DCC: variants seen among roughly 807,000 people sequenced by gnomAD.
DCC encodes the protein DCC netrin 1 receptor.
Under a neutral mutation model 172.5 loss-of-function variants are expected in DCC, and 58 were observed. The observed-to-expected ratio is 0.34, with a 90% CI of 0.27 to 0.42. The LOEUF is 0.42. DCC is among the 10% of genes least tolerant of loss of function. The pLI is 1.00. For synonymous variants in DCC, 709 were observed against 644.5 expected (o/e 1.10, Z -1.52); for missense variants, 1,740 against 1,791.0 (o/e 0.97, Z 0.51).
chr18:53,119,750 C>T (rs2043456881), intron 7 of DCC, among the ~76,000 whole-genome samples: 2 of 151,830 alleles, frequency 1.3e-5, no homozygotes, highest in East Asian at 2.0e-4. Flanking sequence ...TTCCAGTCAC[C>T]TCTTAGGCAC....
intron 7 of DCC, among the ~76,000 whole-genome samples, chr18:53,088,300 C>T (rs2042948289): frequency 6.6e-6 from 1 of 152,134 alleles, no homozygotes; most frequent in Non-Finnish European, 1.5e-5. Context: ...TTGTAGTTCT[C>T]CTTGAAGAGG....
intron 1 of DCC, among the ~76,000 whole-genome samples, chr18:52,366,039 A>T (rs546819786): frequency 1.3e-4 from 20 of 152,080 alleles, no homozygotes; most frequent in African/African-American, 4.1e-4. Flanking sequence ...AACTCTATAT[A>T]TTACTTGAAT....
chr18:53,429,127 A>C (rs1599142008), intron 21 of DCC, among the ~76,000 whole-genome samples: 1 of 98,552 alleles, frequency 1.0e-5, no homozygotes, highest in East Asian at 2.7e-4. Flanking sequence ...TTATATATAT[A>C]TAAATATATA....
intron 5 of DCC, among the ~76,000 whole-genome samples, chr18:53,052,623 C>G (rs2042348433): frequency 6.6e-6 from 1 of 152,042 alleles, no homozygotes; most frequent in African/African-American, 2.4e-5. Context: ...TTTTAAATAA[C>G]CAGGCATGGT....
chr18:53,117,887 T>G (rs947650834), intron 7 of DCC, among the ~76,000 whole-genome samples: 5 of 151,724 alleles, frequency 3.3e-5, no homozygotes, highest in African/African-American at 1.2e-4. Context: ...TGAACTGTTC[T>G]TCTTCCTTTG....
chr18:53,323,380 T>C (rs978497689), intron 14 of DCC, among the ~76,000 whole-genome samples: 1 of 152,214 alleles, frequency 6.6e-6, no homozygotes, highest in Non-Finnish European at 1.5e-5. Flanking sequence ...ACAGTTGATA[T>C]TTCCATAATA....
At chr18:52,711,273 G>C (rs111299564) in intron 1 of DCC, among the ~76,000 whole-genome samples, 6 of 152,024 alleles carry the variant, frequency 3.9e-5, no homozygotes, top group African/African-American at 1.4e-4. Context: ...TGTTGCCCAG[G>C]CTGGAGTGCA....
Position 52,752,355 on chromosome 18 carries a change from A to G in DCC, c.393A>G (p.Thr131=), listed in dbSNP as rs748443907. The change falls in exon 2 of 29, where the codon ACA becomes ACG. Residue 131 remains threonine, a synonymous_variant. Transcript: ENST00000442544. The part of the protein sequence containing the change: ...LGDSGSIISR[T]AKVAVAGPLR... ...ATTCTGGCTCAATTATTAGTCGGAC[A>G]GCAAAAGTTGCAGTAGCAGGTAGGT... The G allele has an allele frequency of 6.2e-6, 10 of 1,613,984 alleles. No homozygotes were observed. The highest frequency in any genetic ancestry group is 3.3e-5 in the Admixed American group (2 of 60,006).
intron 1 of DCC, among the ~76,000 whole-genome samples, chr18:52,391,022 G>T (rs1012708138): frequency 9.9e-5 from 15 of 151,212 alleles, no homozygotes; most frequent in Admixed American, 3.9e-4. Context: ...ATTTTTTTTT[G>T]TGTGTGTATG....
At chr18:52,883,218 G>C (rs73458920) in intron 2 of DCC, among the ~76,000 whole-genome samples, 7,264 of 152,026 alleles carry the variant, frequency 0.048, 242 homozygotes, top group South Asian at 0.14. Flanking sequence ...ACATTCTATG[G>C]CTTTGGATTG....
intron 15 of DCC, among the ~76,000 whole-genome samples, chr18:53,381,205 T>A (rs1907701847): frequency 6.6e-6 from 1 of 152,164 alleles, no homozygotes. Context: ...CAGTACCAAG[T>A]AAGGTATTTT....
rs549998349 is a variant in DCC, at chr18:53,329,852, C to T, written c.2164+7695C>T. ...TGATTTAGAATCAGCATAGTACTAT[C>T]TGGCATTGGAATGGACAGATAAATG... On this transcript the variant is annotated intron_variant, in intron 14 of 28. Transcript: ENST00000442544. 3.3e-5 allele frequency among the ~76,000 whole-genome samples: 5 copies of T among 152,246 alleles called. No homozygotes were observed. In the South Asian group the frequency reaches 1.0e-3, roughly 31 times the overall value.
intron 24 of DCC, among the ~76,000 whole-genome samples, chr18:53,460,471 C>T (rs1484407431): frequency 7.8e-6 from 1 of 128,936 alleles, no homozygotes; most frequent in Non-Finnish European, 1.6e-5. Context: ...GTGATGTTCC[C>T]CTTCCTGTGT....
At chr18:52,381,715 T>C (rs907536657) in intron 1 of DCC, among the ~76,000 whole-genome samples, 4 of 152,104 alleles carry the variant, frequency 2.6e-5, no homozygotes, top group Non-Finnish European at 4.4e-5. Flanking sequence ...AGGTTTTGGC[T>C]TCAAGGTCTG....
At chr18:53,305,548 A>G (rs1307288859) in intron 12 of DCC, 30 bp from the exon 13 acceptor site, 12 of 1,587,462 alleles carry the variant, frequency 7.6e-6, no homozygotes, top group East Asian at 2.2e-5. Context: ...TCTTTCTTCA[A>G]TGTTTTAATT....
intron 1 of DCC, among the ~76,000 whole-genome samples, chr18:52,343,355 T>C (rs960518745): frequency 6.6e-6 from 1 of 152,152 alleles, no homozygotes; most frequent in Admixed American, 6.5e-5. Flanking sequence ...TTCAGCCGGG[T>C]GTTTTAAAGA....
At chr18:53,128,864 CACACACATATATATATATATAT>C (rs1308295734) in intron 7 of DCC, among the ~76,000 whole-genome samples, 6 of 72,124 alleles carry the variant, frequency 8.3e-5, no homozygotes, top group South Asian at 1.3e-3. Context: ...CACACACACA[CACACACATATATATATATATAT>C]ATATATATAT....
chr18:52,803,924 T>A (rs545814925), intron 2 of DCC, among the ~76,000 whole-genome samples: 41 of 152,316 alleles, frequency 2.7e-4, no homozygotes, highest in African/African-American at 9.6e-4. Flanking sequence ...TTTACATATG[T>A]GATGACGTTT....
chr18:53,195,968 G>A (rs568732733), intron 9 of DCC, among the ~76,000 whole-genome samples: 4 of 152,128 alleles, frequency 2.6e-5, no homozygotes, highest in Non-Finnish European at 4.4e-5. Flanking sequence ...TCTAGAGAAA[G>A]CACTGTATGC....
Sources: gnomAD v4.1 joint callset for allele counts (sites outside exome capture counted in the v4.1 genomes callset) on GRCh38, gnomAD v4.1.1 for gene constraint, MANE v1.5 for transcripts, NCBI Gene and HGNC (gene_info 2026-07-23, HGNC 2026-07-21) for gene names.